The following HSPA14 variants were observed in gnomAD, a reference collection of about 807,000 sequenced individuals.
HSPA14 encodes heat shock 70 kDa protein 14.
A neutral mutation model predicts 65.5 loss-of-function variants in HSPA14; 37 were observed. The ratio of observed to expected loss-of-function variants is 0.56; its 90% CI spans 0.43 to 0.74. The LOEUF is 0.74. HSPA14 is among the 30% of genes least tolerant of loss of function. The probability of loss-of-function intolerance (pLI) is 0.00; values close to 1 mark genes in which losing one functional copy is unlikely to be tolerated. For synonymous variants in HSPA14, 203 were observed against 214.2 expected, an observed-to-expected ratio of 0.95 and a Z score of 0.46; for missense variants, 564 against 607.6, an observed-to-expected ratio of 0.93 and a Z score of 0.75.
chr10:14,842,032 T>G lies in HSPA14; in HGVS notation c.221+1875T>G, dbSNP rs1398102426. 6.1e-6 allele frequency: 5 copies of G among 816,492 alleles called. No homozygotes were observed. Among genetic ancestry groups the G allele is most frequent in the Non-Finnish European group, 9.8e-6 (5 of 512,462 alleles). 50.6% of individuals were successfully genotyped at this position (816,492 alleles called of 1,614,324 possible). Reference sequence around the variant, plus strand: ...AAGTTGGGCTATCTCAGTCTTGGCCTCATGCCTGTTTATGACCTACTCACA... The same window carrying G: ...AAGTTGGGCTATCTCAGTCTTGGCCGCATGCCTGTTTATGACCTACTCACA... On this transcript the variant is annotated intron_variant, in intron 3 of 13. Coordinates refer to ENST00000378372, the MANE Select transcript of HSPA14 (RefSeq NM_016299.4). The surrounding 1 kb of genome is among the most constrained non-coding windows in gnomAD (Gnocchi z 5.2).
intron 3 of HSPA14, chr10:14,845,993 G>A: frequency 5.4e-6 from 5 of 934,576 alleles, no homozygotes; most frequent in Non-Finnish European, 6.4e-6. Flanking sequence ...AATTTTAATT[G>A]TAATATTTTC....
chr10:14,842,531 A>G lies in HSPA14; in HGVS notation c.221+2374A>G. On this transcript the variant is annotated intron_variant, in intron 3 of 13. Coordinates refer to ENST00000378372, the MANE Select transcript of HSPA14 (RefSeq NM_016299.4). The surrounding 1 kb of genome is among the most constrained non-coding windows in gnomAD (Gnocchi z 5.2). ...AAAGGCCTATGTTGCCCATGCCACA[A>G]GTATGGGTGAGCCACCACACTGTCC... 6.5e-7 allele frequency: 1 copy of G among 1,536,176 alleles called. No individual in the cohort carries two copies. The highest frequency in any genetic ancestry group is 8.7e-7 in the Non-Finnish European group (1 of 1,146,918).
intron 10 of HSPA14, among the ~76,000 whole-genome samples, chr10:14,861,022 G>C (rs1343867630): frequency 6.6e-6 from 1 of 152,182 alleles, no homozygotes; most frequent in Non-Finnish European, 1.5e-5. Context: ...GCCCTGTGAT[G>C]CCAGAGGTAT....
rs956012766 is a variant in HSPA14 at position 14,846,061 on chromosome 10, G to T, written c.222-2548G>T. The T allele has an allele frequency of 3.6e-5, 35 of 975,254 alleles. No homozygotes were observed. In the African/African-American group the frequency reaches 6.1e-4, roughly 17 times the overall value. 60.4% of individuals were successfully genotyped at this position (975,254 alleles called of 1,614,324 possible). ...GGTAACAATTTTAAGGTAGCATTCTGTGGTATTAATATTTATTAATATGCT... is the reference window on the plus strand; with the variant it reads ...GGTAACAATTTTAAGGTAGCATTCTTTGGTATTAATATTTATTAATATGCT... On this transcript the variant is annotated intron_variant, in intron 3 of 13. Coordinates refer to ENST00000378372, the MANE Select transcript of HSPA14 (RefSeq NM_016299.4).
chr10:14,842,738 A>G lies in HSPA14; in HGVS notation c.221+2581A>G, dbSNP rs755284921. On this transcript the variant is annotated intron_variant, in intron 3 of 13. Coordinates refer to ENST00000378372, the MANE Select transcript of HSPA14 (RefSeq NM_016299.4). This position sits in a 1 kb window ranked among gnomAD's most constrained non-coding sequence, Gnocchi z 5.2. ...GACTCAGGCAGCTGATCATCAGCCT[A>G]TCTTGAAAACAGTTAAGGCATCAGA... 4.6e-6 allele frequency: 7 copies of G among 1,536,462 alleles called. No individual in the cohort carries two copies. The highest frequency in any genetic ancestry group is 2.7e-5 in the African/African-American group (2 of 73,054).
chr10:14,861,116 C>T (rs940955340), intron 10 of HSPA14, among the ~76,000 whole-genome samples: 2 of 152,086 alleles, frequency 1.3e-5, no homozygotes, highest in African/African-American at 2.4e-5. Context: ...TGTAGGGGAG[C>T]TGTGGAGATA....
chr10:14,869,730 G>C (rs1292100454), intron 12 of HSPA14, among the ~76,000 whole-genome samples: 1 of 152,210 alleles, frequency 6.6e-6, no homozygotes. Flanking sequence ...GAATTGGTTT[G>C]TGTGTGTCTA....
intron 3 of HSPA14, 63 bp downstream of exon 3, chr10:14,840,220 A>C: frequency 1.2e-6 from 1 of 844,404 alleles, no homozygotes; most frequent in Non-Finnish European, 1.7e-6. Flanking sequence ...TTCTAAGCAT[A>C]ATGTGAAAAG....
chr10:14,866,955 T>G (rs1020271426), intron 10 of HSPA14, 128 bp from the exon 11 acceptor site: 18 of 609,794 alleles, frequency 3.0e-5, no homozygotes, highest in Non-Finnish European at 8.7e-6. Context: ...ACATAACATG[T>G]TAATATATAG....
intron 1 of HSPA14, 190 bp downstream of exon 1, chr10:14,838,649 C>A (rs1221930917): frequency 3.6e-6 from 2 of 559,376 alleles, no homozygotes; most frequent in East Asian, 3.3e-5. Flanking sequence ...TCCGGAAAGT[C>A]GTCTACTCCG....
chr10:14,860,458 C>G (rs1041371065), intron 10 of HSPA14, among the ~76,000 whole-genome samples: 5 of 152,066 alleles, frequency 3.3e-5, no homozygotes, highest in African/African-American at 1.2e-4. Flanking sequence ...GGATAAGGGC[C>G]TAGCTAGTGA....
chr10:14,840,188 G>A, intron 3 of HSPA14, 31 bp downstream of exon 3: 1 of 1,056,494 alleles, frequency 9.5e-7, no homozygotes, highest in Admixed American at 2.6e-5. Flanking sequence ...TTTAAATATG[G>A]TAATAGGAAC....
chr10:14,859,278 AC>A (rs1449962152), intron 10 of HSPA14, among the ~76,000 whole-genome samples: 6 of 152,006 alleles, frequency 3.9e-5, no homozygotes, highest in Non-Finnish European at 8.8e-5. Flanking sequence ...GCCACTCCAC[AC>A]GTGTGCTTTC....
At chr10:14,861,447 T>G (rs1036971393) in intron 10 of HSPA14, among the ~76,000 whole-genome samples, 2 of 152,118 alleles carry the variant, frequency 1.3e-5, no homozygotes, top group Admixed American at 1.3e-4. Flanking sequence ...CGCCTCAGCC[T>G]CCTGAGTAGC....
At chr10:14,843,464 G>C in intron 3 of HSPA14, 1 of 1,550,628 alleles carries the variant, frequency 6.4e-7, no homozygotes, top group East Asian at 2.4e-5. Flanking sequence ...GCCAGACTGG[G>C]TGTGTCCGGG....
In HSPA14 at chr10:14,844,879, T is replaced by C. The variant is rs146107447; in HGVS notation, c.222-3730T>C. On this transcript the variant is annotated intron_variant, in intron 3 of 13. Transcript: ENST00000378372. ...TAGCTGATTTCATTCTTTTCTGTTATTTTTTTGTCTAGTATGTTATACAGG... is the reference window on the plus strand; with the variant it reads ...TAGCTGATTTCATTCTTTTCTGTTACTTTTTTGTCTAGTATGTTATACAGG... 8.1e-6 allele frequency: 8 copies of C among 985,378 alleles called. No individual in the cohort carries two copies. In the East Asian group the frequency reaches 7.9e-4, roughly 98 times the overall value. The allele number at this position is 985,378 out of a possible 1,614,324, so 61.0% of individuals were successfully genotyped here.
chr10:14,840,676 G>T (rs1187516836), intron 3 of HSPA14, among the ~76,000 whole-genome samples: 2 of 152,158 alleles, frequency 1.3e-5, no homozygotes, highest in South Asian at 2.1e-4. Context: ...ATCATCTGTT[G>T]TAAGTTTAAT....
chr10:14,851,451 C>G, intron 7 of HSPA14, 128 bp downstream of exon 7: 1 of 625,734 alleles, frequency 1.6e-6, no homozygotes, highest in Non-Finnish European at 2.8e-6. Flanking sequence ...AAAACAGACT[C>G]TTGCCTAGAG....
intron 1 of HSPA14, among the ~76,000 whole-genome samples, 192 bp from the exon 2 acceptor site, chr10:14,839,713 A>G (rs147351786): frequency 8.5e-5 from 13 of 152,370 alleles, no homozygotes; most frequent in Middle Eastern, 3.4e-3. Context: ...GACTGAAAAC[A>G]TGAGGCAGTT....
Sources: allele counts gnomAD v4.1 joint callset (sites outside exome capture counted in the v4.1 genomes callset), GRCh38; gene constraint gnomAD v4.1.1; non-coding constraint Gnocchi (gnomAD v3.1); transcripts MANE v1.5; gene names NCBI Gene and HGNC (gene_info 2026-07-23, HGNC 2026-07-21).